NIPAL3: variants seen among roughly 807,000 people sequenced by gnomAD.
NIPAL3 encodes the protein NIPA-like protein 3.
A neutral mutation model predicts 47.2 loss-of-function variants in NIPAL3; 41 were observed. The ratio of observed to expected loss-of-function variants is 0.87; its 90% CI spans 0.68 to 1.13. NIPAL3 has a LOEUF of 1.13. Among genes scored for constraint, NIPAL3 ranks in the 50% most tolerant of loss-of-function variants. The pLI is 0.00. For synonymous variants in NIPAL3, 194 were observed against 209.6 expected, an observed-to-expected ratio of 0.93 and a Z score of 0.64; for missense variants, 449 against 530.1, an observed-to-expected ratio of 0.85 and a Z score of 1.50.
chr1:24,422,140 A>G (rs1233012666), intron 2 of NIPAL3: 1 of 152,168 alleles, frequency 6.6e-6, no homozygotes, highest in African/African-American at 2.4e-5. Context: ...TTCTCAGTGG[A>G]CTCTGCCTCA....
At position 24,429,840 on chromosome 1, in the gene NIPAL3, C is replaced by G. The variant is rs138558783; in HGVS notation, c.93+10200C>G. 2.4e-3 allele frequency among the ~76,000 whole-genome samples: 366 copies of G among 152,212 alleles called. 3 individuals are homozygous for G. Among genetic ancestry groups the G allele is most frequent in the African/African-American group, 8.6e-3 (355 of 41,508 alleles). Reference sequence around the variant, plus strand: ...CCCTACAGCTGTCTCAGCCTGATGGCCTCCCAGTGAAAATTTTTTCATACT... The same window carrying G: ...CCCTACAGCTGTCTCAGCCTGATGGGCTCCCAGTGAAAATTTTTTCATACT... On this transcript the variant is annotated intron_variant, in intron 2 of 11. Coordinates refer to ENST00000374399, the MANE Select transcript of NIPAL3 (RefSeq NM_020448.5).
At chr1:24,457,855 G>A (rs187091039) in intron 8 of NIPAL3, 1 of 530,810 alleles carries the variant, frequency 1.9e-6, no homozygotes, top group African/African-American at 1.9e-5. Context: ...CTGCTTCTAT[G>A]ATTATTGGCC....
chr1:24,453,775 T>A (rs1312051347), intron 7 of NIPAL3, among the ~76,000 whole-genome samples: 1 of 151,988 alleles, frequency 6.6e-6, no homozygotes, highest in Non-Finnish European at 1.5e-5. Flanking sequence ...CAATAACAAT[T>A]CCAATGAGGA....
chr1:24,421,365 GAA>G (rs1311295824), intron 2 of NIPAL3, among the ~76,000 whole-genome samples: 1 of 151,810 alleles, frequency 6.6e-6, no homozygotes. Flanking sequence ...AAAAAAGAAA[GAA>G]AAAAAGATCA....
intron 11 of NIPAL3, among the ~76,000 whole-genome samples, chr1:24,468,206 T>C (rs991191274): frequency 3.3e-4 from 50 of 152,022 alleles, no homozygotes; most frequent in African/African-American, 1.2e-3. Flanking sequence ...TACCAGCCAC[T>C]CAGGAGGCTG....
chr1:24,421,201 C>CA (rs1402139033), intron 2 of NIPAL3, among the ~76,000 whole-genome samples: 1 of 151,566 alleles, frequency 6.6e-6, no homozygotes, highest in African/African-American at 2.4e-5. Context: ...ACCTACCACA[C>CA]AAAAAATACA....
intron 5 of NIPAL3, among the ~76,000 whole-genome samples, chr1:24,446,270 A>C (rs1645660730): frequency 6.6e-6 from 1 of 152,098 alleles, no homozygotes; most frequent in African/African-American, 2.4e-5. Flanking sequence ...TTTTCCCCCC[A>C]ACTTTTAATT....
At chr1:24,467,962 G>A (rs1557541845) in intron 11 of NIPAL3, among the ~76,000 whole-genome samples, 1 of 152,018 alleles carries the variant, frequency 6.6e-6, no homozygotes, top group Non-Finnish European at 1.5e-5. Flanking sequence ...CTTATGACTC[G>A]GCCTGAAGGC....
intron 4 of NIPAL3, 78 bp from the exon 5 acceptor site, chr1:24,445,107 C>A: frequency 2.0e-6 from 2 of 991,490 alleles, no homozygotes. Flanking sequence ...AAAGAAGCCA[C>A]CCAGAGGGCA....
intron 2 of NIPAL3, among the ~76,000 whole-genome samples, chr1:24,438,424 C>T (rs1393152316): frequency 5.3e-5 from 8 of 152,188 alleles, no homozygotes; most frequent in Admixed American, 3.9e-4. Context: ...GACAGCTATC[C>T]ATAGTGATTT....
chr1:24,464,829 C>T (rs1385972556), intron 11 of NIPAL3: 1 of 152,190 alleles, frequency 6.6e-6, no homozygotes, highest in Non-Finnish European at 1.5e-5. Context: ...AGATGGAACT[C>T]TCTCTAAAAC....
chr1:24,430,912 A>G (rs1374601921), intron 2 of NIPAL3, among the ~76,000 whole-genome samples: 1 of 152,242 alleles, frequency 6.6e-6, no homozygotes, highest in Non-Finnish European at 1.5e-5. Flanking sequence ...ATGTATAAGT[A>G]TTTGTACATA....
intron 10 of NIPAL3, among the ~76,000 whole-genome samples, chr1:24,462,478 A>G (rs1216309149): frequency 1.3e-5 from 2 of 152,220 alleles, no homozygotes; most frequent in African/African-American, 4.8e-5. Context: ...TAAAATAATG[A>G]GCTATAAGCC....
Position 24,425,497 on chromosome 1 carries a change from C to T in NIPAL3, c.93+5857C>T, listed in dbSNP as rs72882409. 6.8e-3 allele frequency among the ~76,000 whole-genome samples: 1,032 copies of T among 152,280 alleles called. 11 individuals carry two copies. Among genetic ancestry groups the T allele is most frequent in the African/African-American group, 0.022 (900 of 41,554 alleles). ...GAGGGAGGTGGGGAAGATACATTTTCACAAGTGTTTACCCCTCAAGACAGA... is the reference window on the plus strand; with the variant it reads ...GAGGGAGGTGGGGAAGATACATTTTTACAAGTGTTTACCCCTCAAGACAGA... On this transcript the variant is annotated intron_variant, in intron 2 of 11. Coordinates refer to ENST00000374399, the MANE Select transcript of NIPAL3 (RefSeq NM_020448.5).
chr1:24,461,865 C>CA (rs527764112), intron 10 of NIPAL3, among the ~76,000 whole-genome samples: 2,047 of 131,326 alleles, frequency 0.016, 23 homozygotes, highest in African/African-American at 0.041. Context: ...AAGTCTGTCT[C>CA]AAAAAAAAAA....
At chr1:24,437,660 A>G (rs1299186492) in intron 2 of NIPAL3, among the ~76,000 whole-genome samples, 3 of 152,248 alleles carry the variant, frequency 2.0e-5, no homozygotes, top group Non-Finnish European at 4.4e-5. Context: ...CTCAGGCCTC[A>G]CCTTGGGCTG....
intron 2 of NIPAL3, among the ~76,000 whole-genome samples, chr1:24,438,712 G>A (rs1309553992): frequency 6.6e-6 from 1 of 152,212 alleles, no homozygotes; most frequent in Non-Finnish European, 1.5e-5. Flanking sequence ...ATTCCCTAGG[G>A]CCTGTCCCCC....
At chr1:24,434,961 GGAA>G (rs1286171552) in intron 2 of NIPAL3, among the ~76,000 whole-genome samples, 1 of 152,144 alleles carries the variant, frequency 6.6e-6, no homozygotes, top group Non-Finnish European at 1.5e-5. Flanking sequence ...CAATCTTGGA[GGAA>G]GAAGAACAAT....
chr1:24,446,021 G>A (rs1208926334), intron 5 of NIPAL3, among the ~76,000 whole-genome samples: 1 of 151,238 alleles, frequency 6.6e-6, no homozygotes, highest in African/African-American at 2.4e-5. Context: ...TAGGTGCTGG[G>A]AATACAGCAG....
Sources: allele counts gnomAD v4.1 joint callset (sites outside exome capture counted in the v4.1 genomes callset), GRCh38; gene constraint gnomAD v4.1.1; transcripts MANE v1.5; gene names NCBI Gene and HGNC (gene_info 2026-07-23, HGNC 2026-07-21).